Variants in CADM1 observed in about 807,000 individuals in gnomAD.
The protein encoded by CADM1 is cell adhesion molecule 1, also known as TSLC-1.
A neutral mutation model predicts 53.1 loss-of-function variants in CADM1; 15 were observed. The ratio of observed to expected loss-of-function variants is 0.28; its 90% CI spans 0.19 to 0.44. The LOEUF (loss-of-function observed/expected upper bound fraction) is 0.44. Ranked by LOEUF, CADM1 falls within the 20% of genes least tolerant of loss-of-function variation. CADM1 has a pLI of 1.00. For synonymous variants in CADM1, 281 were observed against 243.0 expected (o/e 1.16, Z -1.45); for missense variants, 434 against 611.3 (o/e 0.71, Z 3.06).
intron 8 of CADM1, among the ~76,000 whole-genome samples, chr11:115,200,761 T>G (rs1940387601): frequency 1.3e-5 from 2 of 152,362 alleles, no homozygotes; most frequent in South Asian, 4.1e-4. Flanking sequence ...CCCAAAGTGC[T>G]GGGATTACAG....
chr11:115,498,488 C>T (rs1949667995), intron 1 of CADM1, among the ~76,000 whole-genome samples: 1 of 152,206 alleles, frequency 6.6e-6, no homozygotes, highest in African/African-American at 2.4e-5. Flanking sequence ...TGGCCAGTCT[C>T]GCCAACGGTG....
chr11:115,289,651 A>T lies in CADM1; in HGVS notation c.125-49231T>A, dbSNP rs1320610813. ...CGCTCTGTCGCCCAGGCTGGAGTGCAGTGGCGCGATCTCCGCTCACTGCAA... is the reference window on the plus strand; with the variant it reads ...CGCTCTGTCGCCCAGGCTGGAGTGCTGTGGCGCGATCTCCGCTCACTGCAA... On this transcript the variant is annotated intron_variant, in intron 1 of 11. Transcript: ENST00000331581. 4.4e-5 allele frequency among the ~76,000 whole-genome samples: 6 copies of T among 136,610 alleles called. No homozygotes were observed. The Admixed American group carries it at 4.9e-4, about 11-fold the overall frequency. The allele number at this position is 136,610 out of a possible 152,430, so 89.6% of individuals were successfully genotyped here.
At chr11:115,186,603 C>T (rs900928989) in intron 10 of CADM1, among the ~76,000 whole-genome samples, 2 of 152,188 alleles carry the variant, frequency 1.3e-5, no homozygotes, top group African/African-American at 4.8e-5. Flanking sequence ...CTAAGCAAAC[C>T]GTTTAGCCGT....
At chr11:115,231,262 T>C (rs1223798331) in intron 4 of CADM1, 91 bp downstream of exon 4, 1 of 1,376,850 alleles carries the variant, frequency 7.3e-7, no homozygotes, top group African/African-American at 1.4e-5. Flanking sequence ...TTTTGTTTCA[T>C]GGGCATGTTT....
intron 1 of CADM1, among the ~76,000 whole-genome samples, chr11:115,456,970 G>C (rs2135363603): frequency 6.6e-6 from 1 of 152,196 alleles, no homozygotes; most frequent in African/African-American, 2.4e-5. Flanking sequence ...GCTCAGTAAG[G>C]ACAGGAACCT....
intron 1 of CADM1, among the ~76,000 whole-genome samples, chr11:115,422,574 G>T (rs1332889065): frequency 6.6e-6 from 1 of 152,222 alleles, no homozygotes; most frequent in Non-Finnish European, 1.5e-5. Flanking sequence ...CAAGTCAGTT[G>T]TAGAAGCTGA....
intron 1 of CADM1, among the ~76,000 whole-genome samples, chr11:115,379,818 A>G (rs892536586): frequency 7.9e-5 from 12 of 152,046 alleles, no homozygotes; most frequent in African/African-American, 2.9e-4. Flanking sequence ...AAAAACAAAA[A>G]CTCCCTACAG....
intron 1 of CADM1, among the ~76,000 whole-genome samples, chr11:115,443,973 C>T (rs1948389637): frequency 6.6e-6 from 1 of 152,114 alleles, no homozygotes; most frequent in African/African-American, 2.4e-5. Context: ...TTTGTGTGTC[C>T]TATATTTCTA....
chr11:115,493,742 T>G (rs1949549756), intron 1 of CADM1, among the ~76,000 whole-genome samples: 1 of 152,126 alleles, frequency 6.6e-6, no homozygotes, highest in Non-Finnish European at 1.5e-5. Flanking sequence ...TAATCTGAAC[T>G]GAACCATGAG....
At chr11:115,211,002 T>C (rs568801711) in intron 7 of CADM1, among the ~76,000 whole-genome samples, 34 of 152,132 alleles carry the variant, frequency 2.2e-4, no homozygotes, top group African/African-American at 7.5e-4. Flanking sequence ...ACACTTTCAT[T>C]TAAAGCAGCC....
intron 1 of CADM1, among the ~76,000 whole-genome samples, chr11:115,270,139 C>CA (rs1256125651): frequency 3.3e-5 from 5 of 152,162 alleles, no homozygotes; most frequent in Admixed American, 1.3e-4. Flanking sequence ...GCGCTCTTTC[C>CA]AATTTAGACT....
chr11:115,313,022 A>G (rs919274809), intron 1 of CADM1, among the ~76,000 whole-genome samples: 11 of 152,192 alleles, frequency 7.2e-5, no homozygotes, highest in Non-Finnish European at 1.3e-4. Flanking sequence ...AGAAAAAAAA[A>G]ACTAGAAAAG....
chr11:115,399,284 C>CA (rs1476608338), intron 1 of CADM1: 1 of 152,178 alleles, frequency 6.6e-6, no homozygotes, highest in African/African-American at 2.4e-5. Flanking sequence ...TCAGAGACTA[C>CA]ACATACAAAG....
intron 10 of CADM1, among the ~76,000 whole-genome samples, chr11:115,188,141 G>A (rs1939667431): frequency 6.6e-6 from 1 of 152,144 alleles, no homozygotes; most frequent in Admixed American, 6.5e-5. Flanking sequence ...GGCAGTTGGA[G>A]ACATTTTGAA....
At chr11:115,214,960 C>T (rs1243068449) in intron 6 of CADM1, among the ~76,000 whole-genome samples, 180 bp from the exon 7 acceptor site, 5 of 152,140 alleles carry the variant, frequency 3.3e-5, no homozygotes, top group Non-Finnish European at 5.9e-5. Flanking sequence ...CTTTTAAACA[C>T]GATCAGGTGT....
intron 1 of CADM1, among the ~76,000 whole-genome samples, chr11:115,317,810 C>T (rs144701219): frequency 2.0e-3 from 297 of 152,266 alleles, no homozygotes; most frequent in Middle Eastern, 6.8e-3. Context: ...TATTTCATAG[C>T]AGCAATTATT....
intron 1 of CADM1, among the ~76,000 whole-genome samples, chr11:115,489,677 A>T (rs918770417): frequency 3.9e-5 from 6 of 152,228 alleles, no homozygotes; most frequent in Non-Finnish European, 8.8e-5. Flanking sequence ...TGTAGCGGGC[A>T]TATAGAAGAG....
chr11:115,429,731 C>T (rs1236805000), intron 1 of CADM1, among the ~76,000 whole-genome samples: 1 of 150,900 alleles, frequency 6.6e-6, no homozygotes, highest in African/African-American at 2.4e-5. Context: ...CTGAGCTCTA[C>T]TGAGCTAACA....
At position 115,176,022 on chromosome 11, in the gene CADM1, A is replaced by G; in HGVS notation, c.*452T>C. 9.5e-7 allele frequency: 1 copy of G among 1,049,476 alleles called. No individual in the cohort carries two copies. The highest frequency in any genetic ancestry group is 1.2e-6 in the Non-Finnish European group (1 of 869,334). The allele number at this position is 1,049,476 out of a possible 1,614,324, so 65.0% of individuals were successfully genotyped here. Reference sequence around the variant, plus strand: ...TAAAAATAAACAAAAGTAAAAAACTAGAACAGAAAAGGGAAGGAAAAGAGT... The same window carrying G: ...TAAAAATAAACAAAAGTAAAAAACTGGAACAGAAAAGGGAAGGAAAAGAGT... On this transcript the variant is annotated 3_prime_UTR_variant, in exon 12 of 12. Transcript: ENST00000331581.
Sources: gnomAD v4.1 joint callset for allele counts (sites outside exome capture counted in the v4.1 genomes callset) on GRCh38, gnomAD v4.1.1 for gene constraint, MANE v1.5 for transcripts, NCBI Gene and HGNC (gene_info 2026-07-23, HGNC 2026-07-21) for gene names.